Variants in YTHDC2 observed in about 807,000 individuals in gnomAD.
The protein encoded by YTHDC2 is 3'-5' RNA helicase YTHDC2.
A neutral mutation model predicts 174.9 loss-of-function variants in YTHDC2; 45 were observed. The observed-to-expected ratio is 0.26, with a 90% CI of 0.20 to 0.33. YTHDC2 has a LOEUF of 0.33. YTHDC2 is among the 10% of genes least tolerant of loss of function. The probability of loss-of-function intolerance (pLI) is 1.00; values close to 1 mark genes in which losing one functional copy is unlikely to be tolerated. For synonymous variants in YTHDC2, 657 were observed against 574.5 expected (o/e 1.14, Z -2.05); for missense variants, 1,650 against 1,723.7 (o/e 0.96, Z 0.76).
Position 113,593,329 on chromosome 5 carries a change from G to T in YTHDC2, c.4239G>T (p.Gln1413His), listed in dbSNP as rs1465813422. ...GQELEPLVGEQLLQLWERLPL... is the reference protein window; with the variant it reads ...GQELEPLVGEHLLQLWERLPL... ...AACTAGAACCTCTGGTTGGTGAACA[G>T]TTGCTCCAGTTATGGGAACGTCTTC... Residue 1413 changes from glutamine (Q) to histidine (H), a missense_variant, in exon 29 of 30, where the codon CAG (glutamine) becomes CAT (histidine). Coordinates refer to ENST00000161863, the MANE Select transcript of YTHDC2 (RefSeq NM_022828.5). 2 of 1,612,748 alleles carry T rather than the reference G, an allele frequency of 1.2e-6. No individual in the cohort carries two copies. Among genetic ancestry groups the T allele is most frequent in the Non-Finnish European group, 1.7e-6 (2 of 1,179,116 alleles).
chr5:113,518,009 C>T (rs193274571), intron 2 of YTHDC2, among the ~76,000 whole-genome samples: 2,979 of 151,990 alleles, frequency 0.02, 325 homozygotes, highest in Admixed American at 0.17. Flanking sequence ...CTGCCTCAGC[C>T]TCCCAAGTAG....
At chr5:113,534,179 G>A (rs775217524) in intron 5 of YTHDC2, 126 bp from the exon 6 acceptor site, 1 of 679,928 alleles carries the variant, frequency 1.5e-6, no homozygotes, top group Non-Finnish European at 2.5e-6. Flanking sequence ...CTAATAAACT[G>A]TACATACCGG....
intron 2 of YTHDC2, among the ~76,000 whole-genome samples, chr5:113,519,329 T>C (rs1009849069): frequency 1.3e-4 from 20 of 152,218 alleles, no homozygotes; most frequent in South Asian, 4.1e-4. Flanking sequence ...TTACTTTTTT[T>C]CCTCAACTTT....
At chr5:113,559,740 A>G (rs1013920830) in intron 17 of YTHDC2, among the ~76,000 whole-genome samples, 2 of 152,204 alleles carry the variant, frequency 1.3e-5, no homozygotes, top group Non-Finnish European at 1.5e-5. Flanking sequence ...AGAGCTTTCA[A>G]TGGAAATTTT....
At position 113,513,846 on chromosome 5, in the gene YTHDC2, A is replaced by T; in HGVS notation, c.-50A>T. The T allele has an allele frequency of 6.6e-7, 1 of 1,521,906 alleles. No individual in the cohort carries two copies. The highest frequency in any genetic ancestry group is 8.8e-7 in the Non-Finnish European group (1 of 1,139,490). 94.3% of individuals were successfully genotyped at this position (1,521,906 alleles called of 1,614,324 possible). On this transcript the variant is annotated 5_prime_UTR_variant, in exon 1 of 30. Transcript: ENST00000161863. ...CCCACGGTCTTTGTCATTGGCTGTC[A>T]GCTAGCAGGCCTGGCCGCTCCCGTG...
intron 7 of YTHDC2, among the ~76,000 whole-genome samples, chr5:113,536,920 C>T (rs930592539): frequency 7.2e-5 from 11 of 152,120 alleles, no homozygotes; most frequent in African/African-American, 9.7e-5. Flanking sequence ...AACAGTTTTC[C>T]AGTTTAGTAA....
At chr5:113,539,045 T>A in intron 7 of YTHDC2, 29 bp from the exon 8 acceptor site, 1 of 1,089,682 alleles carries the variant, frequency 9.2e-7, no homozygotes, top group South Asian at 1.7e-5. Flanking sequence ...AGATGCAAGT[T>A]GAGTATTTAA....
chr5:113,581,536 T>C lies in YTHDC2; in HGVS notation c.3474T>C (p.Ala1158=). 6.2e-7 allele frequency: 1 copy of C among 1,614,030 alleles called. No individual in the cohort carries two copies. ...VDEATIRAII[A]VLSTEEQSAG... Reference sequence around the variant, plus strand: ...AAGCTACCATAAGAGCAATTATAGCTGTTTTAAGCACTGAAGAACAGTCTG... The same window carrying C: ...AAGCTACCATAAGAGCAATTATAGCCGTTTTAAGCACTGAAGAACAGTCTG... The change falls in exon 25 of 30, where the codon GCT becomes GCC. Residue 1158 remains alanine, a synonymous_variant. Coordinates refer to ENST00000161863, the MANE Select transcript of YTHDC2 (RefSeq NM_022828.5).
intron 2 of YTHDC2, among the ~76,000 whole-genome samples, chr5:113,521,886 G>C (rs1820056): frequency 6.7e-6 from 1 of 149,682 alleles, no homozygotes; most frequent in Non-Finnish European, 1.5e-5. Context: ...ACCATACCTT[G>C]AAAGCAGCTG....
At chr5:113,556,357 ATG>A in intron 17 of YTHDC2, 2 of 328,118 alleles carry the variant, frequency 6.1e-6, no homozygotes, top group Non-Finnish European at 1.1e-5. Context: ...GTACATTCAG[ATG>A]TAAGAAGCTT....
chr5:113,574,656 C>T (rs1387220450), intron 23 of YTHDC2, among the ~76,000 whole-genome samples: 2 of 152,174 alleles, frequency 1.3e-5, no homozygotes, highest in Non-Finnish European at 2.9e-5. Context: ...GCTGGCATCC[C>T]AAGCCAGTAG....
intron 12 of YTHDC2, among the ~76,000 whole-genome samples, chr5:113,552,880 T>C (rs1019928450): frequency 3.9e-5 from 6 of 152,110 alleles, no homozygotes; most frequent in Non-Finnish European, 8.8e-5. Flanking sequence ...GGTATTTCAT[T>C]GTGGTTTTGA....
In YTHDC2 at chr5:113,539,089, T is replaced by C; in HGVS notation, c.1118T>C (p.Phe373Ser). The change falls in exon 8 of 30, where the codon TTT (phenylalanine) becomes TCT (serine). Residue 373 changes from phenylalanine (F) to serine (S), a missense_variant. Transcript: ENST00000161863. ...TATTATTTAGTACAGGGAAGACCAT[T>C]TGAAGTAAAAGAAATGTTTCTGGAA... ...CPVIYIQGRP[F>S]EVKEMFLEDI... 7.1e-7 allele frequency: 1 copy of C among 1,412,482 alleles called. No homozygotes were observed. Among genetic ancestry groups the C allele is most frequent in the Non-Finnish European group, 9.5e-7 (1 of 1,050,742 alleles). 87.5% of individuals were successfully genotyped at this position (1,412,482 alleles called of 1,614,324 possible).
chr5:113,561,247 A>G (rs903731931), intron 18 of YTHDC2, 62 bp downstream of exon 18: 1 of 1,298,570 alleles, frequency 7.7e-7, no homozygotes, highest in Admixed American at 1.9e-5. Flanking sequence ...GGGCCATTTC[A>G]ACTTCTATGG....
Position 113,567,425 on chromosome 5 carries a change from T to A in YTHDC2, c.3048+128T>A, listed in dbSNP as rs930695105. 3.4e-5 allele frequency: 13 copies of A among 381,290 alleles called. 1 individual carries two copies. The highest frequency in any genetic ancestry group is 1.9e-4 in the African/African-American group (7 of 37,650). The allele number at this position is 381,290 out of a possible 1,614,324, so 23.6% of individuals were successfully genotyped here. On this transcript the variant is annotated intron_variant, in intron 22 of 29. Coordinates refer to ENST00000161863, the MANE Select transcript of YTHDC2 (RefSeq NM_022828.5). ...TTAGTTATATATATATATATATATA[T>A]ATCATTAAATATTGGAACAAAACTT...
intron 10 of YTHDC2, among the ~76,000 whole-genome samples, chr5:113,546,723 G>T (rs1479107219): frequency 6.6e-6 from 1 of 152,222 alleles, no homozygotes; most frequent in South Asian, 2.1e-4. Flanking sequence ...TTAGCTGAGT[G>T]GTCTGGCTCC....
At position 113,593,485 on chromosome 5, in the gene YTHDC2, T is replaced by A; in HGVS notation, c.*11T>A. 1.0e-6 allele frequency: 1 copy of A among 997,182 alleles called. No individual in the cohort carries two copies. The allele number at this position is 997,182 out of a possible 1,614,324, so 61.8% of individuals were successfully genotyped here. ...TTTTTTTTCCCCTTTCTTCTAGAAC[T>A]CTTAGCTGTGGAAGAACATCATGCC... On this transcript the variant is annotated 3_prime_UTR_variant, in exon 30 of 30. Transcript: ENST00000161863.
intron 23 of YTHDC2, among the ~76,000 whole-genome samples, chr5:113,574,592 T>TC (rs1323398997): frequency 2.6e-5 from 4 of 152,084 alleles, no homozygotes; most frequent in Admixed American, 6.5e-5. Context: ...CAGCCACCCC[T>TC]CCCCCTGGGA....
intron 2 of YTHDC2, among the ~76,000 whole-genome samples, chr5:113,522,792 A>C (rs916377945): frequency 7.9e-5 from 12 of 152,202 alleles, no homozygotes; most frequent in African/African-American, 2.7e-4. Context: ...CTTTTATGAT[A>C]TATCAGTGTC....
Sources: gnomAD v4.1 joint callset for allele counts (sites outside exome capture counted in the v4.1 genomes callset) on GRCh38, gnomAD v4.1.1 for gene constraint, MANE v1.5 for transcripts, NCBI Gene and HGNC (gene_info 2026-07-23, HGNC 2026-07-21) for gene names.